Variants in ZNF629 observed in about 807,000 individuals in gnomAD.
ZNF629 encodes the protein zinc finger protein 629, also known as DNA-binding protein.
A neutral mutation model predicts 59.7 loss-of-function variants in ZNF629; 9 were observed. That is an observed-to-expected ratio of 0.15 (90% confidence interval 0.09 to 0.26). ZNF629 has a LOEUF of 0.26. Ranked by LOEUF, ZNF629 falls within the 10% of genes least tolerant of loss-of-function variation. The pLI is 1.00. For missense variants in ZNF629, 853 were observed against 1,165.4 expected, an observed-to-expected ratio of 0.73 and a Z score of 3.90; for synonymous variants, 509 against 498.9, an observed-to-expected ratio of 1.02 and a Z score of -0.27.
chr16:30,783,701 G>C lies in ZNF629; in HGVS notation c.627C>G (p.Pro209=). The C allele has an allele frequency of 6.2e-7, 1 of 1,607,164 alleles. No homozygotes were observed. The highest frequency in any genetic ancestry group is 8.5e-7 in the Non-Finnish European group (1 of 1,177,240). Residue 209 remains proline, a synonymous_variant, in exon 3 of 3, where the codon CCC becomes CCG. Coordinates refer to ENST00000262525, the MANE Select transcript of ZNF629 (RefSeq NM_001080417.3). ...THTGEKPYKC[P]DCGKCFSWSS... ...TCCAGCTGAAGCACTTGCCGCAGTCGGGGCACTTGTAGGGCTTCTCGCCGG... is the reference window on the plus strand; with the variant it reads ...TCCAGCTGAAGCACTTGCCGCAGTCCGGGCACTTGTAGGGCTTCTCGCCGG...
At position 30,782,242 on chromosome 16, in the gene ZNF629, T is replaced by C; in HGVS notation, c.2086A>G (p.Arg696Gly). 6.2e-7 allele frequency: 1 copy of C among 1,613,650 alleles called. No individual in the cohort carries two copies. Among genetic ancestry groups the C allele is most frequent in the South Asian group, 1.1e-5 (1 of 91,074 alleles). Residue 696 changes from arginine (R) to glycine (G), a missense_variant, in exon 3 of 3, where the codon AGA becomes GGA. Arg to Gly is a moderately radical substitution (Grantham distance 125). Transcript: ENST00000262525. ...CCTGCGCCTTCCCCTAGGCCAATTC[T>C]ATAATCAGGAAAGAGAAAGGGCTTT... is the stretch of plus-strand genomic sequence containing the variant. ...NEKPFLFPDY[R>G]IGLGEGAGPS...
rs1392038171 is a variant in ZNF629, at chr16:30,783,993, G to A, written c.335C>T (p.Ala112Val). 1.9e-6 allele frequency: 3 copies of A among 1,572,976 alleles called. No homozygotes were observed. Among genetic ancestry groups the A allele is most frequent in the Non-Finnish European group, 1.7e-6 (2 of 1,160,204 alleles). ...GGTGAGAGCGCCCCACTGCCAGCTG[G>A]CCTCGCAGGCCTTGGTCCAGTCAGA... is the stretch of plus-strand genomic sequence containing the variant. The part of the protein sequence containing the change: ...TPSDWTKACE[A>V]SWQWGALTTW... Residue 112 changes from alanine (A) to valine (V), a missense_variant, in exon 3 of 3, where the codon GCC (alanine) becomes GTC (valine). By Grantham distance (64) the Ala-to-Val change is moderately conservative. Transcript: ENST00000262525.
intron 1 of ZNF629, among the ~76,000 whole-genome samples, chr16:30,785,751 A>G (rs1482162052): frequency 6.6e-6 from 1 of 152,014 alleles, no homozygotes; most frequent in Non-Finnish European, 1.5e-5. Flanking sequence ...TGAATGAATG[A>G]GTGAGATGTC....
chr16:30,782,141 C>T lies in ZNF629; in HGVS notation c.2187G>A (p.Leu729=), dbSNP rs2054287363. Residue 729 remains leucine, a synonymous_variant, in exon 3 of 3, where the codon CTG becomes CTA. Transcript: ENST00000262525. ...CTGCATGGACTTTCTGGTGCAGCAG[C>T]AGCTCAGAGCTGAGGCCAAAGCTTT... The part of the protein sequence containing the change: ...CKQSFGLSSE[L]LLHQKVHAGG... The T allele has an allele frequency of 6.2e-7, 1 of 1,612,592 alleles. No individual in the cohort carries two copies. The highest frequency in any genetic ancestry group is 2.2e-5 in the East Asian group (1 of 44,870).
Position 30,781,952 on chromosome 16 carries a change from C to T in ZNF629, c.2376G>A (p.Gln792=). ...GGTCCTCGGGATTGGGGGGTTTTTC[C>T]TGGGTGTGGGTTTCTTGGTGCCGGG... ...ALTRHQETHT[Q]EKPPNPEDPP... is the part of the protein sequence containing the mutation. Residue 792 remains glutamine (Q), a synonymous_variant, in exon 3 of 3, where the codon CAG becomes CAA. Transcript: ENST00000262525. The T allele has an allele frequency of 6.5e-7, 1 of 1,541,532 alleles. No homozygotes were observed. The highest frequency in any genetic ancestry group is 1.4e-5 in the African/African-American group (1 of 72,314).
Position 30,784,416 on chromosome 16 carries a change from G to A in ZNF629, c.67C>T (p.His23Tyr), listed in dbSNP as rs772485310. Reference sequence around the variant, plus strand: ...CCCTTCTTGTGCCCCTCACCTCTGTGAGCATCGTTGGGGCTCTGTTCCGGA... The same window carrying A: ...CCCTTCTTGTGCCCCTCACCTCTGTAAGCATCGTTGGGGCTCTGTTCCGGA... ...QGPEQSPNDAHRGAESENEEE... is the reference protein window; with the variant it reads ...QGPEQSPNDAYRGAESENEEE... The change falls in exon 2 of 3, where the codon CAC (histidine) becomes TAC (tyrosine). Residue 23 changes from histidine to tyrosine, a missense_variant. Physicochemically the swap from His to Tyr is moderately conservative, Grantham distance 83. Transcript: ENST00000262525. 2.6e-6 allele frequency: 4 copies of A among 1,567,376 alleles called. No homozygotes were observed. The highest frequency in any genetic ancestry group is 3.5e-6 in the Non-Finnish European group (4 of 1,158,598).
intron 2 of ZNF629, 74 bp from the exon 3 acceptor site, chr16:30,784,328 G>C: frequency 6.5e-7 from 1 of 1,547,994 alleles, no homozygotes; most frequent in South Asian, 1.2e-5. Flanking sequence ...TCCCTCCCCC[G>C]GGTGTCCCCC....
At chr16:30,785,328 A>C (rs756619667) in intron 1 of ZNF629, among the ~76,000 whole-genome samples, 63 of 152,176 alleles carry the variant, frequency 4.1e-4, no homozygotes, top group Non-Finnish European at 7.9e-4. Flanking sequence ...AAACCTCTCC[A>C]AGGTCAAGGC....
In ZNF629 at chr16:30,781,403, A is replaced by T; in HGVS notation, c.*315T>A. On this transcript the variant is annotated 3_prime_UTR_variant, in exon 3 of 3. Coordinates refer to ENST00000262525, the MANE Select transcript of ZNF629 (RefSeq NM_001080417.3). ...AGACATATTGGGACCTCTTCCTACA[A>T]TTAATAGGGCTTTTATCCACTATGG... is the stretch of plus-strand genomic sequence containing the variant. 1 of 220,118 alleles carries T rather than the reference A, an allele frequency of 4.5e-6. No homozygotes were observed. 13.6% of individuals were successfully genotyped at this position (220,118 alleles called of 1,614,324 possible).
At position 30,778,604 on chromosome 16, in the gene ZNF629, G is replaced by C. The variant is rs2054255320; in HGVS notation, c.*3114C>G. ...CTGGGGCTTCCCTAGTGAGGGCAAA[G>C]GAGTCTGGGAGCTGCTGACCTCAGG... On this transcript the variant is annotated 3_prime_UTR_variant, in exon 3 of 3. Coordinates refer to ENST00000262525, the MANE Select transcript of ZNF629 (RefSeq NM_001080417.3). 1 of 152,726 alleles carries C rather than the reference G, an allele frequency of 6.5e-6. No homozygotes were observed. Among genetic ancestry groups the C allele is most frequent in the Non-Finnish European group, 1.5e-5 (1 of 68,144 alleles). 9.5% of individuals were successfully genotyped at this position (152,726 alleles called of 1,614,324 possible). A position where few individuals can be genotyped will look rare whatever the true frequency, so the allele number is the denominator to read the frequency against.
Position 30,782,529 on chromosome 16 carries a change from G to C in ZNF629, c.1799C>G (p.Ala600Gly). The C allele has an allele frequency of 6.4e-7, 1 of 1,561,830 alleles. No individual in the cohort carries two copies. The part of the protein sequence containing the change: ...IHIGENPYKN[A>G]DGLIAHAAPK... The stretch of plus-strand genomic sequence containing the variant: ...GGCTGCGTGTGCGATGAGGCCGTCT[G>C]CATTTTTGTAGGGGTTTTCTCCGAT... Residue 600 changes from alanine (A) to glycine (G), a missense_variant, in exon 3 of 3, where the codon GCA becomes GGA. By Grantham distance (60) the Ala-to-Gly change is moderately conservative (BLOSUM62 0). Coordinates refer to ENST00000262525, the MANE Select transcript of ZNF629 (RefSeq NM_001080417.3).
chr16:30,783,788 G>T lies in ZNF629; in HGVS notation c.540C>A (p.Cys180Ter). Residue 180 changes from cysteine to a stop codon, truncating the protein, a stop_gained, in exon 3 of 3, where the codon TGC becomes TGA. Coordinates refer to ENST00000262525, the MANE Select transcript of ZNF629 (RefSeq NM_001080417.3). LOFTEE classifies it high-confidence loss of function. ...GCGTGAAGCTCTTGCCGCACTCGGA[G>T]CAGGTGTTGGGCCGCTCTCCCGTGT... ...RIHTGERPNT[C>*]SECGKSFTQS... The T allele has an allele frequency of 6.2e-7, 1 of 1,613,654 alleles. No individual in the cohort carries two copies. Among genetic ancestry groups the T allele is most frequent in the Non-Finnish European group, 8.5e-7 (1 of 1,179,892 alleles).
rs914130684 is a variant in ZNF629 at position 30,786,587 on chromosome 16, T to C, written c.-34+441A>G. Among the ~76,000 whole-genome samples the C allele has an allele frequency of 6.6e-6, 1 of 151,986 alleles. No individual in the cohort carries two copies. Among genetic ancestry groups the C allele is most frequent in the African/African-American group, 2.4e-5 (1 of 41,372 alleles). ...GGAACGGCCCAGGGTGACCCTGACA[T>C]GGAGGCGGCGGGAATGCGGCCGCCC... On this transcript the variant is annotated intron_variant, in intron 1 of 2. Coordinates refer to ENST00000262525, the MANE Select transcript of ZNF629 (RefSeq NM_001080417.3). The surrounding 1 kb of genome is among the most constrained non-coding windows in gnomAD (Gnocchi z 4.8).
At chr16:30,785,121 A>G (rs1331312166) in intron 1 of ZNF629, among the ~76,000 whole-genome samples, 3 of 152,138 alleles carry the variant, frequency 2.0e-5, no homozygotes, top group Non-Finnish European at 4.4e-5. Context: ...GGGGCAGTTT[A>G]AAGCTGCATC....
rs776950510 is a variant in ZNF629 at position 30,781,879 on chromosome 16, C to T, written c.2449G>A (p.Glu817Lys). The T allele has an allele frequency of 7.0e-6, 11 of 1,563,918 alleles. No homozygotes were observed. The highest frequency in any genetic ancestry group is 7.8e-6 in the Non-Finnish European group (9 of 1,152,744). ...TLSTDQEGEG[E>K]TPTPTESSSH... is the part of the protein sequence containing the mutation. ...CTGCTCTCTGTGGGGGTAGGGGTCTCGCCCTCACCTTCCTGATCTGTGGAC... is the reference window on the plus strand; with the variant it reads ...CTGCTCTCTGTGGGGGTAGGGGTCTTGCCCTCACCTTCCTGATCTGTGGAC... Residue 817 changes from glutamate (E) to lysine (K), a missense_variant, in exon 3 of 3, where the codon GAG (glutamate) becomes AAG (lysine). Physicochemically the swap from Glu to Lys is moderately conservative, Grantham distance 56 (BLOSUM62 1). This residue lies in a region of ZNF629 where 420 missense variants were observed against 435.6 expected (regional missense o/e 0.96). Coordinates refer to ENST00000262525, the MANE Select transcript of ZNF629 (RefSeq NM_001080417.3).
Position 30,781,478 on chromosome 16 carries a change from A to G in ZNF629, c.*240T>C, listed in dbSNP as rs184626940. On this transcript the variant is annotated 3_prime_UTR_variant, in exon 3 of 3. Transcript: ENST00000262525. ...CTTAAAGGGCTTTTTTTTTTCCTACATATTTATAGGGTTTCTAACCCAACA... is the reference window on the plus strand; with the variant it reads ...CTTAAAGGGCTTTTTTTTTTCCTACGTATTTATAGGGTTTCTAACCCAACA... 130 of 353,078 alleles carry G rather than the reference A, an allele frequency of 3.7e-4. 1 individual carries two copies. Among genetic ancestry groups the G allele is most frequent in the African/African-American group, 2.3e-3 (111 of 47,318 alleles). The allele number at this position is 353,078 out of a possible 1,614,324, so 21.9% of individuals were successfully genotyped here. A position where few individuals can be genotyped will look rare whatever the true frequency, so the allele number is the denominator to read the frequency against.
In ZNF629 at chr16:30,786,486, G is replaced by A. The variant is rs1173677462; in HGVS notation, c.-34+542C>T. On this transcript the variant is annotated intron_variant, in intron 1 of 2. Coordinates refer to ENST00000262525, the MANE Select transcript of ZNF629 (RefSeq NM_001080417.3). The surrounding 1 kb of genome is among the most constrained non-coding windows in gnomAD (Gnocchi z 4.8). ...CGAGGCGCTGGGAGCCCAGGCGCCA[G>A]GCACGCCAGCCTGAGACCTCGCGAT... Among the ~76,000 whole-genome samples the A allele has an allele frequency of 2.0e-5, 3 of 152,106 alleles. No individual in the cohort carries two copies. Among genetic ancestry groups the A allele is most frequent in the Non-Finnish European group, 4.4e-5 (3 of 67,984 alleles).
rs1057259218 is a variant in ZNF629, at chr16:30,781,472, T to C, written c.*246A>G. 5.9e-4 allele frequency: 213 copies of C among 361,022 alleles called. No individual in the cohort carries two copies. The highest frequency in any genetic ancestry group is 8.7e-4 in the Non-Finnish European group (176 of 202,850). 22.4% of individuals were successfully genotyped at this position (361,022 alleles called of 1,614,324 possible). On this transcript the variant is annotated 3_prime_UTR_variant, in exon 3 of 3. Coordinates refer to ENST00000262525, the MANE Select transcript of ZNF629 (RefSeq NM_001080417.3). ...TACAGACTTAAAGGGCTTTTTTTTT[T>C]CCTACATATTTATAGGGTTTCTAAC...
At position 30,782,246 on chromosome 16, in the gene ZNF629, A is replaced by C; in HGVS notation, c.2082T>G (p.Asp694Glu). 6.2e-7 allele frequency: 1 copy of C among 1,613,612 alleles called. No homozygotes were observed. Among genetic ancestry groups the C allele is most frequent in the Non-Finnish European group, 8.5e-7 (1 of 1,179,772 alleles). Residue 694 changes from aspartate to glutamate, a missense_variant, in exon 3 of 3, where the codon GAT (aspartate) becomes GAG (glutamate). Physicochemically the swap from Asp to Glu is conservative, Grantham distance 45 (BLOSUM62 2). Around this residue, in one of 3 missense-constraint regions of ZNF629, gnomAD observed 420 missense variants for 435.6 expected, o/e 0.96. Transcript: ENST00000262525. Reference sequence around the variant, plus strand: ...CGCCTTCCCCTAGGCCAATTCTATAATCAGGAAAGAGAAAGGGCTTTTCGT... The same window carrying C: ...CGCCTTCCCCTAGGCCAATTCTATACTCAGGAAAGAGAAAGGGCTTTTCGT... ...HGNEKPFLFP[D>E]YRIGLGEGAG...
Sources: allele counts gnomAD v4.1 joint callset (sites outside exome capture counted in the v4.1 genomes callset), GRCh38; gene constraint gnomAD v4.1.1; regional missense constraint gnomAD v4.1.1; non-coding constraint Gnocchi (gnomAD v3.1); transcripts MANE v1.5; gene names NCBI Gene and HGNC (gene_info 2026-07-23, HGNC 2026-07-21).